PPL: variants seen among roughly 807,000 people sequenced by gnomAD.
PPL encodes 190 kDa paraneoplastic pemphigus antigen.
Under a neutral mutation model 194.4 loss-of-function variants are expected in PPL, and 198 were observed. That is an observed-to-expected ratio of 1.02 (90% confidence interval 0.91 to 1.15). The LOEUF (loss-of-function observed/expected upper bound fraction) is 1.15, where lower values mean the gene tolerates loss of function less well. Among genes scored for constraint, PPL ranks in the 50% most tolerant of loss-of-function variants. PPL has a pLI of 0.00. For synonymous variants in PPL, 1,220 were observed against 972.4 expected (o/e 1.25, Z -4.74); for missense variants, 2,885 against 2,294.8 (o/e 1.26, Z -5.25).
chr16:4,902,595 A>G lies in PPL; in HGVS notation c.318-69T>C. ...GCCTGCACCCCAGGAGGGGCCCCCC[A>G]CCCAGACCCCGGCCTCAGTGTCCTG... is the stretch of plus-strand genomic sequence containing the variant. On this transcript the variant is annotated intron_variant, in intron 3 of 21. Coordinates refer to ENST00000345988, the MANE Select transcript of PPL (RefSeq NM_002705.5). The surrounding 1 kb of genome is among the most constrained non-coding windows in gnomAD (Gnocchi z 4.0). 1 of 1,560,848 alleles carries G rather than the reference A, an allele frequency of 6.4e-7. No homozygotes were observed. The highest frequency in any genetic ancestry group is 8.7e-7 in the Non-Finnish European group (1 of 1,150,596).
At position 4,888,136 on chromosome 16, in the gene PPL, C is replaced by T. The variant is rs2088248142; in HGVS notation, c.2480G>A (p.Arg827Lys). 1 of 1,613,866 alleles carries T rather than the reference C, an allele frequency of 6.2e-7. No homozygotes were observed. Among genetic ancestry groups the T allele is most frequent in the Non-Finnish European group, 8.5e-7 (1 of 1,179,834 alleles). Reference sequence around the variant, plus strand: ...CACTTTGGTGGCAGGAGATTGGAGCCTGGCTCTCTTGCTCACGTGGCTTCT... The same window carrying T: ...CACTTTGGTGGCAGGAGATTGGAGCTTGGCTCTCTTGCTCACGTGGCTTCT... ...GRRSHVSKRA[R>K]LQSPATKVKE... The change falls in exon 20 of 22, where the codon AGG becomes AAG. Residue 827 changes from arginine to lysine, a missense_variant. By Grantham distance (26) the Arg-to-Lys change is conservative. Coordinates refer to ENST00000345988, the MANE Select transcript of PPL (RefSeq NM_002705.5).
At chr16:4,932,456 C>T (rs1227409846) in intron 1 of PPL, among the ~76,000 whole-genome samples, 1 of 150,960 alleles carries the variant, frequency 6.6e-6, no homozygotes, top group African/African-American at 2.4e-5. Context: ...GTCTCCCAGG[C>T]TGGAGTGCAG....
At position 4,937,081 on chromosome 16, in the gene PPL, G is replaced by T; in HGVS notation, c.-36C>A. On this transcript the variant is annotated 5_prime_UTR_variant, in exon 1 of 22. Coordinates refer to ENST00000345988, the MANE Select transcript of PPL (RefSeq NM_002705.5). ...GGGGTGCGGGCGGCGGCGGCTGGCG[G>T]GCCGGGCGCGCACCGAGGGGCGGGC... 5.4e-6 allele frequency: 7 copies of T among 1,298,882 alleles called. No homozygotes were observed. Among genetic ancestry groups the T allele is most frequent in the Non-Finnish European group, 6.9e-6 (7 of 1,016,270 alleles). 80.5% of individuals were successfully genotyped at this position (1,298,882 alleles called of 1,614,324 possible).
At chr16:4,917,794 C>T (rs970840658) in intron 1 of PPL, among the ~76,000 whole-genome samples, 3 of 151,614 alleles carry the variant, frequency 2.0e-5, no homozygotes, top group East Asian at 1.9e-4. Flanking sequence ...CCTGGATACT[C>T]GGGAGGCTGA....
chr16:4,888,965 T>C lies in PPL; in HGVS notation c.2397+13A>G. 5 of 1,612,372 alleles carry C rather than the reference T, an allele frequency of 3.1e-6. No homozygotes were observed. Among genetic ancestry groups the C allele is most frequent in the Non-Finnish European group, 4.2e-6 (5 of 1,179,450 alleles). Reference sequence around the variant, plus strand: ...CTGCTGTTTGTGCTTTGGGCGGAAGTTTCCCGGCTCACCTTTACAGCTTGC... The same window carrying C: ...CTGCTGTTTGTGCTTTGGGCGGAAGCTTCCCGGCTCACCTTTACAGCTTGC... On this transcript the variant is annotated intron_variant, in intron 19 of 21. Transcript: ENST00000345988.
chr16:4,901,629 C>T (rs562577180), intron 4 of PPL, among the ~76,000 whole-genome samples: 3 of 151,732 alleles, frequency 2.0e-5, no homozygotes, highest in African/African-American at 4.8e-5. Flanking sequence ...GTTGAGGCTG[C>T]AGTGAGCCGT....
chr16:4,893,292 G>C lies in PPL; in HGVS notation c.1571C>G (p.Ala524Gly). 2 of 1,604,520 alleles carry C rather than the reference G, an allele frequency of 1.2e-6. No individual in the cohort carries two copies. The highest frequency in any genetic ancestry group is 1.7e-6 in the Non-Finnish European group (2 of 1,178,232). The stretch of plus-strand genomic sequence containing the variant: ...TGGTGGCCGCAGGATCCCTGTGATG[G>C]CCTTCTCCTGCCGGTCCAGGTCGCT... ...VASDLDRQEKAITGILRPPLE... is the reference protein window; with the variant it reads ...VASDLDRQEKGITGILRPPLE... The change falls in exon 14 of 22, where the codon GCC (alanine) becomes GGC (glycine). Residue 524 changes from alanine to glycine, a missense_variant. By Grantham distance (60) the Ala-to-Gly change is moderately conservative. Transcript: ENST00000345988.
rs1382569159 is a variant in PPL, at chr16:4,937,055, C to T, written c.-10G>A. The T allele has an allele frequency of 2.8e-6, 4 of 1,428,482 alleles. No homozygotes were observed. The highest frequency in any genetic ancestry group is 3.7e-6 in the Non-Finnish European group (4 of 1,083,632). 88.5% of individuals were successfully genotyped at this position (1,428,482 alleles called of 1,614,324 possible). ...TGAAGAGCGAGTTCATGGTGGCGCT[C>T]GGGGTGCGGGCGGCGGCGGCTGGCG... is the stretch of plus-strand genomic sequence containing the variant. On this transcript the variant is annotated 5_prime_UTR_variant, in exon 1 of 22. Coordinates refer to ENST00000345988, the MANE Select transcript of PPL (RefSeq NM_002705.5).
At chr16:4,928,010 G>A (rs1009156365) in intron 1 of PPL, among the ~76,000 whole-genome samples, 1 of 152,248 alleles carries the variant, frequency 6.6e-6, no homozygotes, top group Non-Finnish European at 1.5e-5. Flanking sequence ...GGAGGCTGAG[G>A]TGGGAGGATT....
intron 21 of PPL, among the ~76,000 whole-genome samples, chr16:4,886,884 G>T (rs1381587378): frequency 6.6e-6 from 1 of 152,248 alleles, no homozygotes; most frequent in African/African-American, 2.4e-5. Flanking sequence ...CTCCCAAAGT[G>T]CTGGGATTAC....
intron 1 of PPL, among the ~76,000 whole-genome samples, chr16:4,931,306 G>A (rs151112271): frequency 6.6e-6 from 1 of 152,300 alleles, no homozygotes; most frequent in African/African-American, 2.4e-5. Flanking sequence ...CAAGGCTACA[G>A]TGAGCTATGA....
Position 4,884,362 on chromosome 16 carries a change from C to T in PPL, c.4293G>A (p.Glu1431=). The T allele has an allele frequency of 1.2e-6, 2 of 1,612,172 alleles. No homozygotes were observed. Among genetic ancestry groups the T allele is most frequent in the Middle Eastern group, 1.7e-4 (1 of 6,044 alleles). ...TCTCACGGGCCTCAGCTTCTTCCTG[C>T]TCCAGCGCTGCCAGCCGCTGCTGCA... ...QRLQQRLAAL[E]QEEAEAREKV... Residue 1431 remains glutamate, a synonymous_variant, in exon 22 of 22, where the codon GAG becomes GAA. Transcript: ENST00000345988. The surrounding 1 kb of genome is among the most constrained non-coding windows in gnomAD (Gnocchi z 5.7).
rs752931556 is a variant in PPL at position 4,901,064 on chromosome 16, C to G, written c.464G>C (p.Gly155Ala). 6.8e-6 allele frequency: 11 copies of G among 1,614,154 alleles called. No homozygotes were observed. The highest frequency in any genetic ancestry group is 8.5e-7 in the Non-Finnish European group (1 of 1,180,024). The change falls in exon 5 of 22, where the codon GGG becomes GCG. Residue 155 changes from glycine (G) to alanine (A), a missense_variant. Gly to Ala is a moderately conservative substitution (Grantham distance 60). Transcript: ENST00000345988. ...KLDKLNNQSFGTDLPLVDHQV... is the reference protein window; with the variant it reads ...KLDKLNNQSFATDLPLVDHQV... ...GTGGTCCACCAGCGGCAGGTCAGTCCCAAAGCTCTGGTTGTTCAGCTTGTC... is the reference window on the plus strand; with the variant it reads ...GTGGTCCACCAGCGGCAGGTCAGTCGCAAAGCTCTGGTTGTTCAGCTTGTC...
chr16:4,885,595 C>G lies in PPL; in HGVS notation c.3060G>C (p.Leu1020=), dbSNP rs748363244. 4 of 1,612,614 alleles carry G rather than the reference C, an allele frequency of 2.5e-6. No homozygotes were observed. The highest frequency in any genetic ancestry group is 3.4e-6 in the Non-Finnish European group (4 of 1,179,970). The change falls in exon 22 of 22, where the codon CTG becomes CTC. Residue 1020 remains leucine, a synonymous_variant. Coordinates refer to ENST00000345988, the MANE Select transcript of PPL (RefSeq NM_002705.5). This position sits in a 1 kb window ranked among gnomAD's most constrained non-coding sequence, Gnocchi z 6.3. ...CCTCCCGGGCGCCCTTCTGCCGCCT[C>G]AGTGCCTCCAGCTCCTCCCGCAGCT... ...VLQLREELEA[L]RRQKGAREAE...
rs138912647 is a variant in PPL, at chr16:4,884,510, A to C, written c.4145T>G (p.Ile1382Ser). The change falls in exon 22 of 22, where the codon ATT (isoleucine) becomes AGT (serine). Residue 1382 changes from isoleucine to serine, a missense_variant. By Grantham distance (142) the Ile-to-Ser change is moderately radical. Coordinates refer to ENST00000345988, the MANE Select transcript of PPL (RefSeq NM_002705.5). This position sits in a 1 kb window ranked among gnomAD's most constrained non-coding sequence, Gnocchi z 5.7. ...AESIDVELRQ[I>S]DKLRAELRRL... ...CCGCAGCTCTGCCCGCAGCTTGTCA[A>C]TCTGCCGCAGCTCCACATCGATGCT... 7 of 1,609,678 alleles carry C rather than the reference A, an allele frequency of 4.3e-6. No homozygotes were observed. In the East Asian group the frequency reaches 1.6e-4, roughly 36 times the overall value.
chr16:4,889,118 C>A, intron 18 of PPL, 57 bp from the exon 19 acceptor site: 1 of 1,365,366 alleles, frequency 7.3e-7, no homozygotes, highest in Non-Finnish European at 1.0e-6. Flanking sequence ...AAAAAAGCAA[C>A]CATGGATGCA....
intron 1 of PPL, among the ~76,000 whole-genome samples, chr16:4,917,085 T>C (rs993982148): frequency 6.6e-5 from 10 of 151,830 alleles, no homozygotes; most frequent in Non-Finnish European, 1.2e-4. Context: ...TGAGCTGAGA[T>C]GGCGCCACTG....
rs746810878 is a variant in PPL, at chr16:4,903,909, T to C, written c.294A>G (p.Pro98=). Residue 98 remains proline, a synonymous_variant, in exon 3 of 22, where the codon CCA becomes CCG. Transcript: ENST00000345988. ...ACTCCTCGGCGATCATGTCCCCCTG[T>C]GGGTGCTTCATGTGCTTGGCAATGG... The part of the protein sequence containing the change: ...DAAIAKHMKH[P]QGDMIAEDIR... The C allele has an allele frequency of 2.5e-6, 4 of 1,613,938 alleles. No individual in the cohort carries two copies. The highest frequency in any genetic ancestry group is 2.7e-5 in the African/African-American group (2 of 74,922).
intron 14 of PPL, 143 bp downstream of exon 14, chr16:4,893,070 C>T (rs966905816): frequency 1.8e-6 from 2 of 1,113,542 alleles, no homozygotes; most frequent in African/African-American, 1.6e-5. Flanking sequence ...GACTTGGGAC[C>T]CTTTTACATG....
Sources: gnomAD v4.1 joint callset for allele counts (sites outside exome capture counted in the v4.1 genomes callset) on GRCh38, gnomAD v4.1.1 for gene constraint, Gnocchi (gnomAD v3.1) non-coding constraint, MANE v1.5 for transcripts, NCBI Gene and HGNC (gene_info 2026-07-23, HGNC 2026-07-21) for gene names.